NEB: variants seen among roughly 807,000 people sequenced by gnomAD.
NEB encodes the protein nemaline myopathy type 2.
NEB carries 512 observed loss-of-function variants against 952.2 expected under a neutral mutation model. The observed-to-expected ratio is 0.54, with a 90% CI of 0.50 to 0.58. NEB has a LOEUF of 0.58. Among genes scored for constraint, NEB ranks in the 20% least tolerant of loss-of-function variants. NEB has a pLI of 0.00. For synonymous variants in NEB, 2,900 were observed against 3,149.8 expected (o/e 0.92, Z 2.66); for missense variants, 8,428 against 9,231.1 (o/e 0.91, Z 3.56).
chr2:151,633,994 T>C, intron 64 of NEB, 29 bp from the exon 65 acceptor site: 1 of 1,600,960 alleles, frequency 6.2e-7, no homozygotes, highest in Non-Finnish European at 8.5e-7. Context: ...AATCAGGTTT[T>C]TATTGTAACC....
At chr2:151,497,575 A>C (rs572112088) in intron 171 of NEB, 51 bp downstream of exon 171, 85 of 1,536,696 alleles carry the variant, frequency 5.5e-5, no homozygotes, top group Admixed American at 8.2e-5. Flanking sequence ...AAATCATGAA[A>C]GTTTTCAAAA....
chr2:151,722,505 T>C (rs967723041), intron 9 of NEB, among the ~76,000 whole-genome samples: 2 of 152,150 alleles, frequency 1.3e-5, no homozygotes, highest in African/African-American at 4.8e-5. Context: ...ACTATACAAA[T>C]GTGTTTTTGG....
intron 71 of NEB, among the ~76,000 whole-genome samples, chr2:151,621,368 G>C (rs576961127): frequency 6.6e-6 from 1 of 152,092 alleles, no homozygotes; most frequent in African/African-American, 2.4e-5. Context: ...AATTTGAATT[G>C]GGAACATTTT....
At chr2:151,672,049 G>A (rs1258597265) in intron 37 of NEB, among the ~76,000 whole-genome samples, 1 of 151,340 alleles carries the variant, frequency 6.6e-6, no homozygotes, top group Non-Finnish European at 1.5e-5. Flanking sequence ...TTTGCATTTT[G>A]TATCTATCAC....
chr2:151,674,785 T>C (rs769598540), intron 35 of NEB, among the ~76,000 whole-genome samples: 3 of 152,200 alleles, frequency 2.0e-5, no homozygotes, highest in Admixed American at 2.0e-4. Flanking sequence ...CATCTGGTTT[T>C]GACACATATT....
Position 151,642,769 on chromosome 2 carries a change from C to T in NEB, c.8261G>A (p.Ser2754Asn). 6.2e-7 allele frequency: 1 copy of T among 1,608,900 alleles called. No homozygotes were observed. The highest frequency in any genetic ancestry group is 1.7e-5 in the Admixed American group (1 of 59,716). ...CACTATGAATATATTACTTACCTCACTGTAATTTACTTTGTTTTGTTTAGC... is the reference window on the plus strand; with the variant it reads ...CACTATGAATATATTACTTACCTCATTGTAATTTACTTTGTTTTGTTTAGC... ...LLAKQNKVNY[S>N]EKLYKLGLEE... is the part of the protein sequence containing the mutation. The change falls in exon 59 of 182, where the codon AGT becomes AAT. Residue 2754 changes from serine to asparagine, a missense_variant. This residue lies in a region of NEB where 1,772 missense variants were observed against 1,960.3 expected (regional missense o/e 0.90). Coordinates refer to ENST00000397345, the MANE Select transcript of NEB (RefSeq NM_001164508.2).
chr2:151,558,223 T>G (rs1439358053), intron 124 of NEB, among the ~76,000 whole-genome samples: 1 of 150,934 alleles, frequency 6.6e-6, no homozygotes, highest in Non-Finnish European at 1.5e-5. Context: ...TATATACCAG[T>G]AAAAAACAGA....
chr2:151,647,107 A>G (rs2154125488), intron 54 of NEB, among the ~76,000 whole-genome samples: 1 of 151,200 alleles, frequency 6.6e-6, no homozygotes, highest in African/African-American at 2.4e-5. Flanking sequence ...GACTTACTAA[A>G]ACTAATAATT....
In NEB at chr2:151,691,864, A is replaced by G. The variant is rs765620977; in HGVS notation, c.2211T>C (p.Asp737=). ...CAATAATTCAGGGCAGCTAACTTAC[A>G]TCTTTACACTGGTCCAGCTTCTTGA... The part of the protein sequence containing the change: ...EAIKKLDQCK[D]HTYKVHPDKT... Residue 737 remains aspartate, a splice_region_variant and synonymous_variant, in exon 23 of 182, where the codon GAT becomes GAC. Transcript: ENST00000397345. The G allele has an allele frequency of 1.6e-5, 25 of 1,586,196 alleles. No homozygotes were observed. Among genetic ancestry groups the G allele is most frequent in the Non-Finnish European group, 2.1e-5 (24 of 1,162,736 alleles).
intron 130 of NEB, among the ~76,000 whole-genome samples, 172 bp from the exon 131 acceptor site, chr2:151,548,587 T>G (rs1303467484): frequency 6.6e-6 from 1 of 152,198 alleles, no homozygotes; most frequent in African/African-American, 2.4e-5. Flanking sequence ...CCTTGAAAAT[T>G]ATGTGTTGGA....
Position 151,485,813 on chromosome 2 carries a change from G to A in NEB, c.25525C>T (p.Gln8509Ter). 6.2e-7 allele frequency: 1 copy of A among 1,614,012 alleles called. No individual in the cohort carries two copies. Among genetic ancestry groups the A allele is most frequent in the Non-Finnish European group, 8.5e-7 (1 of 1,179,922 alleles). ...AGCATTCCGGTCCTGCCAGTCCTCTGCACAGTGCCATACATCCAGCCTTCA... is the reference window on the plus strand; with the variant it reads ...AGCATTCCGGTCCTGCCAGTCCTCTACACAGTGCCATACATCCAGCCTTCA... ...IDEGWMYGTV[Q>*]RTGRTGMLPA... The change falls in exon 182 of 182, where the codon CAG (glutamine) becomes TAG (stop). Residue 8509 changes from glutamine (Q) to a stop codon, truncating the protein, a stop_gained. Coordinates refer to ENST00000397345, the MANE Select transcript of NEB (RefSeq NM_001164508.2). LOFTEE classifies it high-confidence loss of function.
intron 24 of NEB, chr2:151,689,650 T>C (rs2099531471): frequency 6.6e-6 from 1 of 152,234 alleles, no homozygotes; most frequent in African/African-American, 2.4e-5. Flanking sequence ...TTGAGAACTA[T>C]GCAAGAAGTA....
At chr2:151,653,567 A>G (rs1180339614) in intron 52 of NEB, among the ~76,000 whole-genome samples, 1 of 152,226 alleles carries the variant, frequency 6.6e-6, no homozygotes, top group Non-Finnish European at 1.5e-5. Flanking sequence ...CTAAACTGAA[A>G]TAACTGACAG....
intron 153 of NEB, chr2:151,520,004 G>T: frequency 3.2e-6 from 1 of 315,562 alleles, no homozygotes. Flanking sequence ...ATTATTCCAA[G>T]GTATAAAAAG....
chr2:151,697,337 T>A lies in NEB; in HGVS notation c.1365+13A>T. 1 of 1,612,236 alleles carries A rather than the reference T, an allele frequency of 6.2e-7. No homozygotes were observed. Among genetic ancestry groups the A allele is most frequent in the Admixed American group, 1.7e-5 (1 of 60,024 alleles). On this transcript the variant is annotated intron_variant, in intron 15 of 181. Transcript: ENST00000397345. Reference sequence around the variant, plus strand: ...TGTTATTTGGAAAGTCAAACAATTGTCTTAGAACTTACATCACTGTTTTGA... The same window carrying A: ...TGTTATTTGGAAAGTCAAACAATTGACTTAGAACTTACATCACTGTTTTGA...
intron 176 of NEB, 98 bp downstream of exon 176, chr2:151,493,253 TTA>T (rs2057952122): frequency 8.6e-6 from 8 of 925,220 alleles, no homozygotes; most frequent in Admixed American, 2.5e-5. Flanking sequence ...TTTTAAAATT[TTA>T]GTGTGTTTTT....
chr2:151,652,962 G>C (rs2099047041), intron 52 of NEB, among the ~76,000 whole-genome samples: 1 of 152,116 alleles, frequency 6.6e-6, no homozygotes. Flanking sequence ...ATTTTAATAA[G>C]GGATTGACCT....
chr2:151,655,787 A>G, intron 50 of NEB, 30 bp downstream of exon 50: 1 of 1,604,242 alleles, frequency 6.2e-7, no homozygotes, highest in Non-Finnish European at 8.5e-7. Flanking sequence ...CTCACGTGGG[A>G]GCTGTGTGGA....
At position 151,519,011 on chromosome 2, in the gene NEB, G is replaced by C; in HGVS notation, c.22649C>G (p.Ser7550Cys). The C allele has an allele frequency of 6.2e-7, 1 of 1,613,704 alleles. No homozygotes were observed. The highest frequency in any genetic ancestry group is 1.1e-5 in the South Asian group (1 of 91,058). Residue 7550 changes from serine to cysteine, a missense_variant, in exon 155 of 182, where the codon TCT becomes TGT. Physicochemically the swap from Ser to Cys is moderately radical, Grantham distance 112. Around this residue, in one of 11 missense-constraint regions of NEB, gnomAD observed 3,374 missense variants for 3,651.5 expected, o/e 0.92. Coordinates refer to ENST00000397345, the MANE Select transcript of NEB (RefSeq NM_001164508.2). ...LHKPVTDMKE[S>C]LIMNHVLNTS... is the part of the protein sequence containing the mutation. The stretch of plus-strand genomic sequence containing the variant: ...ATTCAGGACATGATTCATGATCAGA[G>C]ACTCCTTCATGTCAGTCACGGGTTT...
Sources: gnomAD v4.1 joint callset for allele counts (sites outside exome capture counted in the v4.1 genomes callset) on GRCh38, gnomAD v4.1.1 for gene constraint, gnomAD v4.1.1 regional missense constraint, MANE v1.5 for transcripts, NCBI Gene and HGNC (gene_info 2026-07-23, HGNC 2026-07-21) for gene names.